Variants in CEP152 observed in about 807,000 individuals in gnomAD.
The protein encoded by CEP152 is centrosomal protein 152.
Under a neutral mutation model 188.9 loss-of-function variants are expected in CEP152, and 132 were observed. The ratio of observed to expected loss-of-function variants is 0.70; its 90% CI spans 0.61 to 0.81. CEP152 has a LOEUF of 0.81. Among genes scored for constraint, CEP152 ranks in the 30% least tolerant of loss-of-function variants. The pLI is 0.00. For missense variants in CEP152, 1,914 were observed against 1,969.8 expected (o/e 0.97, Z 0.54); for synonymous variants, 649 against 666.6 (o/e 0.97, Z 0.41).
At chr15:48,747,132 A>G (rs139381180) in intron 22 of CEP152, among the ~76,000 whole-genome samples, 1 of 152,288 alleles carries the variant, frequency 6.6e-6, no homozygotes, top group East Asian at 1.9e-4. Flanking sequence ...TCATGTTTCA[A>G]TTCACTTTTT....
chr15:48,782,271 G>A (rs1411230233), intron 10 of CEP152, 41 bp from the exon 11 acceptor site: 1 of 1,554,548 alleles, frequency 6.4e-7, no homozygotes, highest in Admixed American at 1.7e-5. Flanking sequence ...AAAAAATTAA[G>A]GGGACAAAGT....
Position 48,793,329 on chromosome 15 carries a change from A to T in CEP152, c.824T>A (p.Ile275Lys), listed in dbSNP as rs750500211. Residue 275 changes from isoleucine to lysine, a missense_variant, in exon 7 of 27, where the codon ATA becomes AAA. Transcript: ENST00000380950. ...QIRYLNHQLV[I>K]IKDEKDGLTL... ...AGCATCCAGCATCTTACCTTTTATT[A>T]TTACAAGCTGGTGATTCAGATATCG... 6.9e-5 allele frequency: 111 copies of T among 1,613,800 alleles called. 1 individual carries two copies. In the East Asian group the frequency reaches 2.5e-3, roughly 36 times the overall value.
At chr15:48,760,113 G>A in intron 19 of CEP152, 22 bp downstream of exon 19, 2 of 1,613,760 alleles carry the variant, frequency 1.2e-6, no homozygotes, top group African/African-American at 1.3e-5. Context: ...CTCCTGAAGT[G>A]TCTTTGCAGA....
chr15:48,747,187 C>G (rs1481105504), intron 22 of CEP152, among the ~76,000 whole-genome samples: 1 of 152,138 alleles, frequency 6.6e-6, no homozygotes, highest in Non-Finnish European at 1.5e-5. Flanking sequence ...ATTAGAGGGG[C>G]TAGACTAGAA....
chr15:48,783,159 A>C (rs1233239440), intron 10 of CEP152: 1 of 152,214 alleles, frequency 6.6e-6, no homozygotes, highest in Non-Finnish European at 1.5e-5. Flanking sequence ...TTACCAGCAA[A>C]CAGGGAAGTT....
chr15:48,783,805 A>AT (rs1453154643), intron 10 of CEP152, 168 bp downstream of exon 10: 2 of 260,642 alleles, frequency 7.7e-6, no homozygotes, highest in Non-Finnish European at 1.4e-5. Context: ...ATATATATAT[A>AT]TGCCTTCTGT....
chr15:48,764,111 G>A (rs1894889825), intron 17 of CEP152, among the ~76,000 whole-genome samples: 1 of 152,112 alleles, frequency 6.6e-6, no homozygotes, highest in Non-Finnish European at 1.5e-5. Flanking sequence ...TAAGTGCCTG[G>A]CAAATAAAAA....
chr15:48,737,357 G>A (rs749516133), downstream of CEP152, among the ~76,000 whole-genome samples: 5 of 152,120 alleles, frequency 3.3e-5, no homozygotes, highest in Non-Finnish European at 5.9e-5. Context: ...CCCATCGCTA[G>A]GGATCTGAAA....
chr15:48,791,280 GC>G lies in CEP152; in HGVS notation c.928del (p.Ala310HisfsTer9). Reference protein sequence around the residue: ...REIQLEAQIKALETQIQALKV... With the variant: ...REIQLEAQIKXLETQIQALKV... ...TAATGCTTGTATCTGAGTCTCCAGT[GC>G]TTTTATTTGAGCTTCAAGCTGTATC... is the stretch of plus-strand genomic sequence containing the variant. On this transcript the variant is annotated frameshift_variant, in exon 8 of 27. Transcript: ENST00000380950. LOFTEE classifies it high-confidence loss of function. The G allele has an allele frequency of 6.2e-7, 1 of 1,612,790 alleles. No individual in the cohort carries two copies. The highest frequency in any genetic ancestry group is 8.5e-7 in the Non-Finnish European group (1 of 1,179,660).
intron 9 of CEP152, among the ~76,000 whole-genome samples, chr15:48,786,049 T>C (rs941375397): frequency 5.3e-5 from 8 of 151,370 alleles, no homozygotes; most frequent in Non-Finnish European, 1.0e-4. Flanking sequence ...TGGGAGTCTC[T>C]AAGCCAACAG....
intron 21 of CEP152, among the ~76,000 whole-genome samples, chr15:48,750,364 A>G (rs1349691262): frequency 6.6e-6 from 1 of 152,154 alleles, no homozygotes; most frequent in Non-Finnish European, 1.5e-5. Context: ...AACATAAGTG[A>G]TATAATAAAG....
chr15:48,797,780 A>G (rs773123780), intron 3 of CEP152, 50 bp from the exon 4 acceptor site: 3 of 1,594,496 alleles, frequency 1.9e-6, no homozygotes, highest in East Asian at 4.5e-5. Context: ...TTATTTGTAC[A>G]TAGATAACAC....
In CEP152 at chr15:48,765,967, T is replaced by C. The variant is rs1013050594; in HGVS notation, c.2280+1093A>G. Among the ~76,000 whole-genome samples the C allele has an allele frequency of 9.9e-5, 15 of 152,246 alleles. No homozygotes were observed. In the Middle Eastern group the frequency reaches 0.01, roughly 104 times the overall value. ...GTGCCCGGCCGCCAATTTTTATACA[T>C]ATAAAAGAATCACACTAGTGATTTC... On this transcript the variant is annotated intron_variant, in intron 17 of 26. Transcript: ENST00000380950.
At chr15:48,766,956 T>C (rs1895156334) in intron 17 of CEP152, 104 bp downstream of exon 17, 9 of 1,443,956 alleles carry the variant, frequency 6.2e-6, no homozygotes, top group Admixed American at 1.7e-5. Flanking sequence ...AACATATGAA[T>C]ACCTTCTCCA....
chr15:48,739,347 A>G, intron 26 of CEP152, 59 bp from the exon 27 acceptor site: 3 of 1,516,030 alleles, frequency 2.0e-6, no homozygotes, highest in Non-Finnish European at 2.6e-6. Flanking sequence ...GGGAAGATTC[A>G]TCCTTGAACA....
chr15:48,789,130 G>A (rs1595682367), intron 8 of CEP152, 129 bp from the exon 9 acceptor site: 1 of 836,408 alleles, frequency 1.2e-6, no homozygotes. Flanking sequence ...TAGAGAAGGG[G>A]TCTCCGCTCA....
At chr15:48,781,056 G>A (rs1019324378) in intron 12 of CEP152, 140 bp downstream of exon 12, 7 of 746,218 alleles carry the variant, frequency 9.4e-6, no homozygotes, top group Admixed American at 7.4e-5. Context: ...TACTATCACT[G>A]ATAAATGCAA....
At chr15:48,741,019 A>C in intron 26 of CEP152, 36 of 967,626 alleles carry the variant, frequency 3.7e-5, no homozygotes, top group Non-Finnish European at 4.4e-5. Context: ...TATTGCTCCT[A>C]ATTGCAATAG....
intron 5 of CEP152, 118 bp downstream of exon 5, chr15:48,797,183 C>A: frequency 1.4e-5 from 17 of 1,193,644 alleles, no homozygotes; most frequent in South Asian, 1.2e-4. Flanking sequence ...CCTCTCAGAA[C>A]TTCGTGTGGT....
Sources: gnomAD v4.1 joint callset for allele counts (sites outside exome capture counted in the v4.1 genomes callset) on GRCh38, gnomAD v4.1.1 for gene constraint, MANE v1.5 for transcripts, NCBI Gene and HGNC (gene_info 2026-07-23, HGNC 2026-07-21) for gene names.